CCDC175: variants seen among roughly 807,000 people sequenced by gnomAD.
CCDC175 encodes the protein coiled-coil domain-containing protein 175.
CCDC175 carries 100 observed loss-of-function variants against 114.6 expected under a neutral mutation model. That is an observed-to-expected ratio of 0.87 (90% confidence interval 0.74 to 1.03). The LOEUF (loss-of-function observed/expected upper bound fraction) is 1.03. CCDC175 is among the 50% of genes least tolerant of loss of function. The probability of loss-of-function intolerance (pLI) is 0.00; values close to 1 mark genes in which losing one functional copy is unlikely to be tolerated. For missense variants in CCDC175, 880 were observed against 917.8 expected (o/e 0.96, Z 0.53); for synonymous variants, 306 against 308.7 (o/e 0.99, Z 0.09).
rs34112354 is a variant in CCDC175 at position 59,540,648 on chromosome 14, CTTTTTTTTTTT to C, written c.1355+16_1355+26del. On this transcript the variant is annotated intron_variant, in intron 11 of 19. Transcript: ENST00000537690. ...GCTGATAACACAAAACACAAATAAA[CTTTTTTTTTTT>C]TTTTTTTTTTTTTACCATCTCTGAC... 12 of 1,100,382 alleles carry C rather than the reference CTTTTTTTTTTT, an allele frequency of 1.1e-5. No homozygotes were observed. The South Asian group carries it at 1.7e-4, about 15-fold the overall frequency. 68.2% of individuals were successfully genotyped at this position (1,100,382 alleles called of 1,614,324 possible).
In CCDC175 at chr14:59,545,243, C is replaced by T; in HGVS notation, c.1092G>A (p.Met364Ile). 6.5e-7 allele frequency: 1 copy of T among 1,536,924 alleles called. No homozygotes were observed. The highest frequency in any genetic ancestry group is 8.7e-7 in the Non-Finnish European group (1 of 1,146,748). ...TCTTATATTGTCTGGCAAGAGTTTT[C>T]ATTTTCTCTCGTAGGTCTTTGTATT... ...RMEYKDLREK[M>I]KTLARQYKIV... Residue 364 changes from methionine (M) to isoleucine (I), a missense_variant, in exon 9 of 20, where the codon ATG becomes ATA. By Grantham distance (10) the Met-to-Ile change is conservative. Transcript: ENST00000537690.
intron 17 of CCDC175, among the ~76,000 whole-genome samples, chr14:59,518,527 C>A (rs1464775147): frequency 6.6e-6 from 1 of 152,168 alleles, no homozygotes; most frequent in East Asian, 1.9e-4. Context: ...AGACATTTCT[C>A]AAAAGAAGAC....
intron 19 of CCDC175, among the ~76,000 whole-genome samples, chr14:59,506,954 G>A (rs1892452036): frequency 6.7e-6 from 1 of 148,428 alleles, no homozygotes; most frequent in African/African-American, 2.5e-5. Context: ...AATATATGAT[G>A]TAATACTCAA....
intron 11 of CCDC175, among the ~76,000 whole-genome samples, chr14:59,539,572 CT>C (rs1894634040): frequency 2.1e-5 from 1 of 48,662 alleles, no homozygotes; most frequent in Admixed American, 2.5e-4. Context: ...AAGAGTGAAA[CT>C]CTGTCTCAAA....
rs1341855561 is a variant in CCDC175, at chr14:59,572,693, C to T, written c.355+9G>A. 1.4e-6 allele frequency: 2 copies of T among 1,428,838 alleles called. No homozygotes were observed. Among genetic ancestry groups the T allele is most frequent in the African/African-American group, 2.9e-5 (2 of 68,490 alleles). The allele number at this position is 1,428,838 out of a possible 1,614,324, so 88.5% of individuals were successfully genotyped here. A position where few individuals can be genotyped will look rare whatever the true frequency, so the allele number is the denominator to read the frequency against. On this transcript the variant is annotated intron_variant, in intron 3 of 19. Transcript: ENST00000537690. ...ACTAAATTTCTAGAGTTGATAACCT[C>T]AAAAGTACCTTCCAATTCCCTCTTA...
intron 11 of CCDC175, among the ~76,000 whole-genome samples, chr14:59,539,571 ACTCTGTCT>A (rs1566614050): frequency 6.6e-6 from 1 of 150,650 alleles, no homozygotes. Context: ...AAAGAGTGAA[ACTCTGTCT>A]CAAAAAAAAA....
intron 16 of CCDC175, among the ~76,000 whole-genome samples, chr14:59,522,389 G>T (rs1457752987): frequency 2.0e-5 from 3 of 152,126 alleles, no homozygotes; most frequent in Admixed American, 6.5e-5. Flanking sequence ...GTATTATAGG[G>T]TCTACTCATG....
At chr14:59,549,043 C>A (rs1400428818) in intron 8 of CCDC175, among the ~76,000 whole-genome samples, 1 of 152,180 alleles carries the variant, frequency 6.6e-6, no homozygotes, top group Non-Finnish European at 1.5e-5. Context: ...GGATTTCTCC[C>A]CATGACCACT....
chr14:59,541,636 G>T (rs1894796556), intron 10 of CCDC175, among the ~76,000 whole-genome samples: 1 of 151,948 alleles, frequency 6.6e-6, no homozygotes, highest in Non-Finnish European at 1.5e-5. Flanking sequence ...GGATCTCTAA[G>T]GGTCTTCACA....
At chr14:59,514,226 C>A (rs1298316597) in intron 17 of CCDC175, among the ~76,000 whole-genome samples, 1 of 152,170 alleles carries the variant, frequency 6.6e-6, no homozygotes, top group East Asian at 1.9e-4. Flanking sequence ...AAAAACAGAG[C>A]AGAAAAACTG....
chr14:59,563,873 C>T lies in CCDC175; in HGVS notation c.721-14G>A, dbSNP rs548907619. 2.9e-6 allele frequency: 4 copies of T among 1,369,878 alleles called. No individual in the cohort carries two copies. The East Asian group carries it at 1.2e-4, about 40-fold the overall frequency. The allele number at this position is 1,369,878 out of a possible 1,614,324, so 84.9% of individuals were successfully genotyped here. The stretch of plus-strand genomic sequence containing the variant: ...AAATTCATTAATCTATAGTGACAAG[C>T]ATAAGAAACCAATTTAAAAAGCCTA... On this transcript the variant is annotated splice_polypyrimidine_tract_variant and intron_variant, in intron 5 of 19. Transcript: ENST00000537690.
intron 14 of CCDC175, among the ~76,000 whole-genome samples, chr14:59,529,453 C>CA: frequency 6.6e-6 from 1 of 152,306 alleles, no homozygotes; most frequent in East Asian, 1.9e-4. Context: ...TAAAGACTTT[C>CA]AACCAACCTT....
At position 59,572,786 on chromosome 14, in the gene CCDC175, G is replaced by C; in HGVS notation, c.271C>G (p.Leu91Val). 1 of 1,515,372 alleles carries C rather than the reference G, an allele frequency of 6.6e-7. No homozygotes were observed. The highest frequency in any genetic ancestry group is 8.8e-7 in the Non-Finnish European group (1 of 1,141,236). 93.9% of individuals were successfully genotyped at this position (1,515,372 alleles called of 1,614,324 possible). ...AGTTCCATGCTTTCAATCTCCAAAA[G>C]ATCGATTGTGGCTTTTCTCATTTCT... Reference protein sequence around the residue: ...LEEMRKATIDLLEIESMELNK... With the variant: ...LEEMRKATIDVLEIESMELNK... The change falls in exon 3 of 20, where the codon CTT becomes GTT. Residue 91 changes from leucine (L) to valine (V), a missense_variant. Physicochemically the swap from Leu to Val is conservative, Grantham distance 32 (BLOSUM62 1). Transcript: ENST00000537690.
At chr14:59,536,679 G>T (rs1019988124) in intron 13 of CCDC175, among the ~76,000 whole-genome samples, 1 of 151,848 alleles carries the variant, frequency 6.6e-6, no homozygotes, top group African/African-American at 2.4e-5. Flanking sequence ...CTCACCTTCT[G>T]ACATCTCTTC....
intron 14 of CCDC175, among the ~76,000 whole-genome samples, chr14:59,529,038 T>C (rs1383241105): frequency 6.6e-6 from 1 of 152,236 alleles, no homozygotes; most frequent in Admixed American, 6.5e-5. Flanking sequence ...GCTTCAGATC[T>C]TTGTCTGATC....
At chr14:59,543,263 A>G (rs1316707916) in intron 10 of CCDC175, 81 bp downstream of exon 10, 2 of 530,228 alleles carry the variant, frequency 3.8e-6, no homozygotes, top group Non-Finnish European at 6.4e-6. Flanking sequence ...TTAGAAATCA[A>G]CATAGATTTA....
At chr14:59,531,341 G>A (rs944144374) in intron 14 of CCDC175, among the ~76,000 whole-genome samples, 1 of 131,608 alleles carries the variant, frequency 7.6e-6, no homozygotes, top group Non-Finnish European at 1.6e-5. Context: ...TGTGCCTCAG[G>A]AGGAAGTTAG....
In CCDC175 at chr14:59,561,084, G is replaced by A. The variant is rs552363812; in HGVS notation, c.953+35C>T. On this transcript the variant is annotated intron_variant, in intron 7 of 19. Transcript: ENST00000537690. ...ATATTATATCATATTAACATATCTC[G>A]AAACATTTAAGTAAAAATAAAGCAT... is the stretch of plus-strand genomic sequence containing the variant. 2.4e-4 allele frequency: 261 copies of A among 1,097,616 alleles called. No homozygotes were observed. The East Asian group carries it at 3.1e-3, about 13-fold the overall frequency. The allele number at this position is 1,097,616 out of a possible 1,614,324, so 68.0% of individuals were successfully genotyped here.
At chr14:59,558,825 A>T (rs1261706694) in intron 7 of CCDC175, among the ~76,000 whole-genome samples, 1 of 152,170 alleles carries the variant, frequency 6.6e-6, no homozygotes, top group Non-Finnish European at 1.5e-5. Flanking sequence ...ATAAAATCAC[A>T]TTGGGAGGGT....
Sources: gnomAD v4.1 joint callset for allele counts (sites outside exome capture counted in the v4.1 genomes callset) on GRCh38, gnomAD v4.1.1 for gene constraint, MANE v1.5 for transcripts, NCBI Gene and HGNC (gene_info 2026-07-23, HGNC 2026-07-21) for gene names.